The following SLC24A2 variants were observed in gnomAD, a reference collection of about 807,000 sequenced individuals.
SLC24A2 encodes the protein sodium/potassium/calcium exchanger 2.
A neutral mutation model predicts 62.0 loss-of-function variants in SLC24A2; 36 were observed. The ratio of observed to expected loss-of-function variants is 0.58; its 90% CI spans 0.44 to 0.77. The LOEUF (loss-of-function observed/expected upper bound fraction) is 0.77, where lower values mean the gene tolerates loss of function less well. Among genes scored for constraint, SLC24A2 ranks in the 30% least tolerant of loss-of-function variants. The probability of loss-of-function intolerance (pLI) is 0.00; values close to 1 mark genes in which losing one functional copy is unlikely to be tolerated. For synonymous variants in SLC24A2, 358 were observed against 294.0 expected, an observed-to-expected ratio of 1.22 and a Z score of -2.23; for missense variants, 846 against 817.9, an observed-to-expected ratio of 1.03 and a Z score of -0.42.
At position 19,599,443 on chromosome 9, in the gene SLC24A2, G is replaced by T. The variant is rs34757842; in HGVS notation, c.1079-2164C>A. ...AGCAGGTGTTGTGGCAACTCAAGGC[G>T]CACTGAGGAAGCAGTGGAAGGGAAT... is the stretch of plus-strand genomic sequence containing the variant. On this transcript the variant is annotated intron_variant, in intron 4 of 10. Transcript: ENST00000341998. The surrounding 1 kb of genome is among the most constrained non-coding windows in gnomAD (Gnocchi z 4.5). Among the ~76,000 whole-genome samples, 1 of 152,196 alleles carries T rather than the reference G, an allele frequency of 6.6e-6. No individual in the cohort carries two copies. The highest frequency in any genetic ancestry group is 6.5e-5 in the Admixed American group (1 of 15,274).
chr9:19,656,229 T>C (rs1818938027), intron 2 of SLC24A2, among the ~76,000 whole-genome samples: 1 of 152,208 alleles, frequency 6.6e-6, no homozygotes, highest in Admixed American at 6.5e-5. Flanking sequence ...AAAGTCTTTG[T>C]GGTTGTCAAG....
the SLC24A2 span, among the ~76,000 whole-genome samples, chr9:19,854,536 C>A: frequency 6.6e-6 from 1 of 152,154 alleles, no homozygotes; most frequent in Non-Finnish European, 1.5e-5. Flanking sequence ...TGATTTCTGC[C>A]TTAATTTCAT....
chr9:19,586,643 AC>A (rs1836379770), intron 5 of SLC24A2, among the ~76,000 whole-genome samples: 1 of 152,092 alleles, frequency 6.6e-6, no homozygotes, highest in Non-Finnish European at 1.5e-5. Context: ...TTGGCATTTT[AC>A]AAACCAAAAA....
At chr9:19,557,966 T>C (rs759930966) in intron 7 of SLC24A2, among the ~76,000 whole-genome samples, 14 of 152,050 alleles carry the variant, frequency 9.2e-5, no homozygotes, top group Non-Finnish European at 1.5e-4. Flanking sequence ...ACTACACGTA[T>C]GCACCACCAT....
At chr9:20,225,898 T>C in the SLC24A2 span, among the ~76,000 whole-genome samples, 29 of 151,294 alleles carry the variant, frequency 1.9e-4, no homozygotes, top group Non-Finnish European at 3.5e-4. Flanking sequence ...CTTTAGAAAG[T>C]GAGAAACATA....
At chr9:19,570,856 G>C (rs1052718813) in intron 7 of SLC24A2, among the ~76,000 whole-genome samples, 1 of 152,150 alleles carries the variant, frequency 6.6e-6, no homozygotes, top group Non-Finnish European at 1.5e-5. Flanking sequence ...GCAGGCCCAG[G>C]TCACCTGATT....
the SLC24A2 span, among the ~76,000 whole-genome samples, chr9:19,855,343 T>C: frequency 2.0e-5 from 3 of 152,198 alleles, no homozygotes; most frequent in Admixed American, 2.0e-4. Flanking sequence ...TAATGCTAGC[T>C]GGTTATTTTG....
intron 2 of SLC24A2, among the ~76,000 whole-genome samples, chr9:19,677,565 G>A (rs1814699390): frequency 6.6e-6 from 1 of 152,148 alleles, no homozygotes. Context: ...ACGTGCATGT[G>A]TACCCCTGAC....
chr9:19,729,939 A>T (rs1448736625), intron 2 of SLC24A2, among the ~76,000 whole-genome samples: 1 of 152,208 alleles, frequency 6.6e-6, no homozygotes, highest in Non-Finnish European at 1.5e-5. Flanking sequence ...TGATCTGATT[A>T]CTATACATTA....
At chr9:19,638,281 G>C (rs1006855663) in intron 2 of SLC24A2, among the ~76,000 whole-genome samples, 1 of 152,150 alleles carries the variant, frequency 6.6e-6, no homozygotes, top group African/African-American at 2.4e-5. Context: ...GGAGAAAAAG[G>C]TTATTTTCCT....
the SLC24A2 span, among the ~76,000 whole-genome samples, chr9:19,963,665 T>C: frequency 2.0e-5 from 3 of 151,954 alleles, no homozygotes; most frequent in East Asian, 3.9e-4. Flanking sequence ...AAAACCACAG[T>C]GAGATACCAT....
At chr9:19,694,993 C>T (rs936050120) in intron 2 of SLC24A2, among the ~76,000 whole-genome samples, 1 of 146,496 alleles carries the variant, frequency 6.8e-6, no homozygotes, top group Non-Finnish European at 1.5e-5. Context: ...AGAGAGAAGG[C>T]CGTTGGGGAT....
In SLC24A2 at chr9:19,559,193, GA is replaced by G. The variant is rs572114693; in HGVS notation, c.1348-8926del. ...ATAATTTCTTCAAAGACATGTAGGA[GA>G]AAAAAAGCTTGACTAGGTGAATTAT... On this transcript the variant is annotated intron_variant, in intron 7 of 10. Transcript: ENST00000341998. 5.0e-3 allele frequency among the ~76,000 whole-genome samples: 756 copies of G among 152,180 alleles called. 3 individuals are homozygous for G. The highest frequency in any genetic ancestry group is 0.01 in the Admixed American group (156 of 15,286).
At chr9:19,935,612 G>A in the SLC24A2 span, among the ~76,000 whole-genome samples, 5 of 152,214 alleles carry the variant, frequency 3.3e-5, no homozygotes, top group African/African-American at 4.8e-5. Flanking sequence ...CTCAGGACGA[G>A]GCTTCTTGTC....
the SLC24A2 span, among the ~76,000 whole-genome samples, chr9:19,997,602 T>C: frequency 6.6e-6 from 1 of 151,972 alleles, no homozygotes. Context: ...TCCACTATTA[T>C]AGAAGGGGAG....
the SLC24A2 span, among the ~76,000 whole-genome samples, chr9:20,057,504 G>C: frequency 2.0e-5 from 3 of 152,096 alleles, no homozygotes; most frequent in Non-Finnish European, 2.9e-5. Context: ...CTAAAAAATG[G>C]AGAGAAAACT....
the SLC24A2 span, among the ~76,000 whole-genome samples, chr9:19,920,214 A>G: frequency 2.6e-5 from 4 of 152,132 alleles, no homozygotes; most frequent in Middle Eastern, 6.3e-3. Context: ...GATCTCCTCC[A>G]TTACCCAGAA....
chr9:20,124,726 C>G, the SLC24A2 span, among the ~76,000 whole-genome samples: 2 of 152,280 alleles, frequency 1.3e-5, no homozygotes, highest in East Asian at 3.9e-4. Flanking sequence ...TTAATGTGCC[C>G]CCAGTTCCCT....
the SLC24A2 span, among the ~76,000 whole-genome samples, chr9:19,841,681 T>C: frequency 6.6e-6 from 1 of 152,292 alleles, no homozygotes; most frequent in Admixed American, 6.5e-5. Context: ...TGAATAGGAT[T>C]GGAATATTGG....
Sources: allele counts gnomAD v4.1 joint callset (sites outside exome capture counted in the v4.1 genomes callset), GRCh38; gene constraint gnomAD v4.1.1; non-coding constraint Gnocchi (gnomAD v3.1); transcripts MANE v1.5; gene names NCBI Gene and HGNC (gene_info 2026-07-23, HGNC 2026-07-21).